Variants in STMN2 observed in about 807,000 individuals in gnomAD.
STMN2 encodes stathmin-2.
Under a neutral mutation model 24.1 loss-of-function variants are expected in STMN2, and 2 were observed. The observed-to-expected ratio is 0.08, with a 90% CI of 0.03 to 0.26. The LOEUF is 0.26. STMN2 is among the 10% of genes least tolerant of loss of function. The pLI is 1.00. For missense variants in STMN2, 114 were observed against 213.6 expected, an observed-to-expected ratio of 0.53 and a Z score of 2.91; for synonymous variants, 83 against 77.5, an observed-to-expected ratio of 1.07 and a Z score of -0.37.
At chr8:79,641,175 C>T (rs1202817588) in intron 2 of STMN2, among the ~76,000 whole-genome samples, 1 of 152,138 alleles carries the variant, frequency 6.6e-6, no homozygotes, top group Non-Finnish European at 1.5e-5. Flanking sequence ...AATATTTATT[C>T]TGTTAAAATA....
chr8:79,641,274 C>T lies in STMN2; in HGVS notation c.116-104C>T, dbSNP rs1563442189. On this transcript the variant is annotated intron_variant, in intron 2 of 4. Transcript: ENST00000220876. Reference sequence around the variant, plus strand: ...CATAAACAGCATTTTATTCCTATCTCCCGGAATAACAACGCTACTTCCAAT... The same window carrying T: ...CATAAACAGCATTTTATTCCTATCTTCCGGAATAACAACGCTACTTCCAAT... The T allele has an allele frequency of 4.0e-6, 5 of 1,245,292 alleles. No homozygotes were observed. The East Asian group carries it at 7.3e-5, about 18-fold the overall frequency. The allele number at this position is 1,245,292 out of a possible 1,614,324, so 77.1% of individuals were successfully genotyped here. A position where few individuals can be genotyped will look rare whatever the true frequency, so the allele number is the denominator to read the frequency against.
At chr8:79,629,405 CT>C (rs1352951889) in intron 1 of STMN2, among the ~76,000 whole-genome samples, 1 of 152,168 alleles carries the variant, frequency 6.6e-6, no homozygotes, top group Admixed American at 6.5e-5. Flanking sequence ...TCTTAACTAA[CT>C]GTTCAGTTTT....
chr8:79,659,559 C>T (rs1018018200), intron 4 of STMN2, among the ~76,000 whole-genome samples: 1 of 152,098 alleles, frequency 6.6e-6, no homozygotes, highest in Non-Finnish European at 1.5e-5. Flanking sequence ...GTAGTAGGAG[C>T]GCCAAATGAC....
chr8:79,635,835 A>ACATCAGCAT (rs1358983725), intron 1 of STMN2, among the ~76,000 whole-genome samples: 1 of 152,148 alleles, frequency 6.6e-6, no homozygotes, highest in Non-Finnish European at 1.5e-5. Context: ...TACACCCCAA[A>ACATCAGCAT]CATCAGCATC....
At chr8:79,616,651 C>T (rs183424526) in intron 1 of STMN2, among the ~76,000 whole-genome samples, 10 of 152,294 alleles carry the variant, frequency 6.6e-5, no homozygotes, top group African/African-American at 2.2e-4. Flanking sequence ...ACAGGTATCC[C>T]TCCTGGTAAG....
chr8:79,661,827 C>T (rs1223511694), intron 4 of STMN2, among the ~76,000 whole-genome samples: 1 of 152,070 alleles, frequency 6.6e-6, no homozygotes, highest in Admixed American at 6.6e-5. Context: ...TCACCAACAT[C>T]TCAATGTATG....
At chr8:79,618,818 T>C (rs540339651) in intron 1 of STMN2, among the ~76,000 whole-genome samples, 2 of 152,324 alleles carry the variant, frequency 1.3e-5, no homozygotes, top group Admixed American at 6.5e-5. Flanking sequence ...TTGCTGGTCA[T>C]GTGGAAATAT....
rs577963268 is a variant in STMN2, at chr8:79,655,572, T to A, written c.480+510T>A. 3.5e-4 allele frequency among the ~76,000 whole-genome samples: 53 copies of A among 152,252 alleles called. 1 individual carries two copies. In the South Asian group the frequency reaches 8.5e-3, roughly 24 times the overall value. On this transcript the variant is annotated intron_variant, in intron 4 of 4. Transcript: ENST00000220876. ...CATTCTAGGGTATAATAGCATCACA[T>A]GGGACCATAGCAAAGATTAGCTCAT... is the stretch of plus-strand genomic sequence containing the variant.
intron 1 of STMN2, among the ~76,000 whole-genome samples, chr8:79,625,997 C>A (rs1375903488): frequency 1.4e-5 from 2 of 145,854 alleles, no homozygotes; most frequent in Non-Finnish European, 3.0e-5. Context: ...AAATAAAGAT[C>A]AATTTGGAGA....
Position 79,654,979 on chromosome 8 carries a change from G to A in STMN2, c.397G>A (p.Glu133Lys). 3 of 1,614,012 alleles carry A rather than the reference G, an allele frequency of 1.9e-6. No individual in the cohort carries two copies. Among genetic ancestry groups the A allele is most frequent in the South Asian group, 1.1e-5 (1 of 91,068 alleles). ...CAACAACTTCAGCAAGATGGCGGAG[G>A]AAAAGCTGATCCTGAAAATGGAACA... ...ENNNFSKMAE[E>K]KLILKMEQIK... Residue 133 changes from glutamate to lysine, a missense_variant, in exon 4 of 5, where the codon GAA (glutamate) becomes AAA (lysine). Glu to Lys is a moderately conservative substitution (Grantham distance 56, BLOSUM62 1). Transcript: ENST00000220876.
chr8:79,629,574 T>C (rs1390471713), intron 1 of STMN2, among the ~76,000 whole-genome samples: 2 of 152,202 alleles, frequency 1.3e-5, no homozygotes, highest in African/African-American at 2.4e-5. Flanking sequence ...CACTGCGCAT[T>C]TTACAAAATT....
At chr8:79,632,160 A>G (rs977397989) in intron 1 of STMN2, among the ~76,000 whole-genome samples, 1 of 152,162 alleles carries the variant, frequency 6.6e-6, no homozygotes, top group African/African-American at 2.4e-5. Context: ...TAAAGACACC[A>G]CTGCCTGGAA....
chr8:79,664,108 T>A (rs1194330033), intron 4 of STMN2, among the ~76,000 whole-genome samples: 1 of 152,178 alleles, frequency 6.6e-6, no homozygotes, highest in East Asian at 1.9e-4. Flanking sequence ...AAGGAAAGAT[T>A]TATGCAGGTG....
At chr8:79,662,056 A>G (rs1019619090) in intron 4 of STMN2, among the ~76,000 whole-genome samples, 4 of 152,142 alleles carry the variant, frequency 2.6e-5, no homozygotes, top group Admixed American at 1.3e-4. Flanking sequence ...AAGGGACATT[A>G]AAAAGTAAAG....
At chr8:79,623,155 C>T (rs1809558089) in intron 1 of STMN2, among the ~76,000 whole-genome samples, 1 of 152,170 alleles carries the variant, frequency 6.6e-6, no homozygotes, top group South Asian at 2.1e-4. Flanking sequence ...ATAATACAAA[C>T]AGAATATACC....
chr8:79,617,888 C>T (rs1357676976), intron 1 of STMN2, among the ~76,000 whole-genome samples: 1 of 152,202 alleles, frequency 6.6e-6, no homozygotes, highest in African/African-American at 2.4e-5. Flanking sequence ...TAAGAACTTT[C>T]CACATATTAA....
At chr8:79,622,548 A>G (rs780804540) in intron 1 of STMN2, among the ~76,000 whole-genome samples, 15 of 152,236 alleles carry the variant, frequency 9.9e-5, no homozygotes, top group Non-Finnish European at 2.1e-4. Flanking sequence ...TCCATTCTAC[A>G]TAATGCCAGA....
chr8:79,630,066 C>T (rs1809763157), intron 1 of STMN2, among the ~76,000 whole-genome samples: 1 of 152,130 alleles, frequency 6.6e-6, no homozygotes, highest in South Asian at 2.1e-4. Flanking sequence ...CAAATTGCTG[C>T]TGCTTAATCT....
At chr8:79,637,667 C>T (rs1809998627) in intron 2 of STMN2, among the ~76,000 whole-genome samples, 1 of 152,180 alleles carries the variant, frequency 6.6e-6, no homozygotes. Flanking sequence ...TATCACTCTA[C>T]AATGATAGCT....
Sources: allele counts gnomAD v4.1 joint callset (sites outside exome capture counted in the v4.1 genomes callset), GRCh38; gene constraint gnomAD v4.1.1; transcripts MANE v1.5; gene names NCBI Gene and HGNC (gene_info 2026-07-23, HGNC 2026-07-21).